CUTC: variants seen among roughly 807,000 people sequenced by gnomAD.
The protein encoded by CUTC is cutC copper transporter, also known as copper homeostasis protein cutC homolog.
A neutral mutation model predicts 36.2 loss-of-function variants in CUTC; 27 were observed. The ratio of observed to expected loss-of-function variants is 0.75; its 90% confidence interval spans 0.55 to 1.03. CUTC has a LOEUF of 1.03. CUTC is among the 50% of genes least tolerant of loss of function. CUTC has a pLI of 0.00. For missense variants in CUTC, 315 were observed against 343.5 expected (o/e 0.92, Z 0.66); for synonymous variants, 114 against 118.3 (o/e 0.96, Z 0.24).
Position 99,732,256 on chromosome 10 carries a change from C to A in CUTC, c.-93C>A. ...GGTGTCGGGGACGCGCGCACGGGCG[C>A]GCGCAGCTGTTGACGCGCTTCTTAG... On this transcript the variant is annotated 5_prime_UTR_variant, in exon 1 of 9. Coordinates refer to ENST00000370476, the MANE Select transcript of CUTC (RefSeq NM_015960.3). The A allele has an allele frequency of 6.5e-7, 1 of 1,529,666 alleles. No homozygotes were observed. Among genetic ancestry groups the A allele is most frequent in the Non-Finnish European group, 8.8e-7 (1 of 1,137,626 alleles). The allele number at this position is 1,529,666 out of a possible 1,614,324, so 94.8% of individuals were successfully genotyped here.
intron 6 of CUTC, among the ~76,000 whole-genome samples, chr10:99,749,825 G>A (rs913983644): frequency 1.3e-5 from 2 of 151,564 alleles, no homozygotes; most frequent in Non-Finnish European, 2.9e-5. Context: ...TTGCTACCTG[G>A]AATTTTATTG....
At chr10:99,734,869 G>A (rs60234750) in intron 1 of CUTC, among the ~76,000 whole-genome samples, 11 of 152,052 alleles carry the variant, frequency 7.2e-5, no homozygotes, top group Admixed American at 3.9e-4. Flanking sequence ...TTGGGAGGCC[G>A]AGGCTGGCAG....
chr10:99,733,181 C>T (rs1000205963), intron 1 of CUTC, among the ~76,000 whole-genome samples: 19 of 152,124 alleles, frequency 1.2e-4, no homozygotes, highest in African/African-American at 4.3e-4. Context: ...TGGTGGCAGG[C>T]GCCTGTAATA....
chr10:99,753,440 C>T (rs184465675), intron 7 of CUTC, among the ~76,000 whole-genome samples: 1 of 152,306 alleles, frequency 6.6e-6, no homozygotes, highest in Non-Finnish European at 1.5e-5. Context: ...GACAGGGTCT[C>T]ACTGTGTCGC....
chr10:99,747,174 T>C (rs927327565), intron 5 of CUTC, 83 bp from the exon 6 acceptor site: 61 of 1,466,828 alleles, frequency 4.2e-5, no homozygotes, highest in Non-Finnish European at 5.6e-5. Flanking sequence ...AGGTCCAGCA[T>C]GCCACTGCAT....
chr10:99,750,403 A>G lies in CUTC; in HGVS notation c.601+7A>G, dbSNP rs1394175629. 5.1e-6 allele frequency: 8 copies of G among 1,583,502 alleles called. No individual in the cohort carries two copies. The South Asian group carries it at 5.8e-5, about 12-fold the overall frequency. The stretch of plus-strand genomic sequence containing the variant: ...AGGATTGTGGTAATGCCAGGTATTT[A>G]TTTATCTATCAATTCACTAGCATAA... On this transcript the variant is annotated splice_region_variant and intron_variant, in intron 7 of 8. Coordinates refer to ENST00000370476, the MANE Select transcript of CUTC (RefSeq NM_015960.3).
At chr10:99,747,129 GT>G in intron 5 of CUTC, 127 bp from the exon 6 acceptor site, 1 of 1,002,614 alleles carries the variant, frequency 1.0e-6, no homozygotes, top group Non-Finnish European at 1.5e-6. Flanking sequence ...ATTCTTGAGT[GT>G]TTAATAATTG....
At chr10:99,740,777 G>T (rs1433934595) in intron 3 of CUTC, among the ~76,000 whole-genome samples, 1 of 152,088 alleles carries the variant, frequency 6.6e-6, no homozygotes, top group Non-Finnish European at 1.5e-5. Context: ...CTATTTAAAA[G>T]AAAATCTCCT....
Position 99,732,348 on chromosome 10 carries a change from C to G in CUTC, c.-1C>G. 6.4e-7 allele frequency: 1 copy of G among 1,552,564 alleles called. No individual in the cohort carries two copies. Among genetic ancestry groups the G allele is most frequent in the Non-Finnish European group, 8.7e-7 (1 of 1,147,724 alleles). On this transcript the variant is annotated 5_prime_UTR_variant, in exon 1 of 9. Transcript: ENST00000370476. ...GCGCACGAGGGAGGAACGCGTGGAGCATGAAAAGGCAGGGGGCCTCCTCTG... is the reference window on the plus strand; with the variant it reads ...GCGCACGAGGGAGGAACGCGTGGAGGATGAAAAGGCAGGGGGCCTCCTCTG...
chr10:99,740,984 A>G (rs763188133), intron 3 of CUTC, among the ~76,000 whole-genome samples: 5 of 152,230 alleles, frequency 3.3e-5, no homozygotes, highest in South Asian at 2.1e-4. Context: ...GAATAAAGTT[A>G]TGATAGCTGT....
intron 2 of CUTC, among the ~76,000 whole-genome samples, chr10:99,738,159 AT>A (rs1475194969): frequency 1.2e-4 from 19 of 152,030 alleles, no homozygotes; most frequent in African/African-American, 4.3e-4. Context: ...AAAAAAAAAA[AT>A]AAGGACTCTT....
At chr10:99,750,246 A>G (rs1452419874) in intron 6 of CUTC, 123 bp from the exon 7 acceptor site, 4 of 529,982 alleles carry the variant, frequency 7.5e-6, no homozygotes, top group African/African-American at 6.0e-5. Context: ...AGTAAAAATT[A>G]AACATTAATA....
Position 99,732,250 on chromosome 10 carries a change from C to CGGGCGCGCGCAGCTGT in CUTC, c.-98_-83dup, listed in dbSNP as rs2037196197. On this transcript the variant is annotated 5_prime_UTR_variant, in exon 1 of 9. Transcript: ENST00000370476. ...GGCGTAGGTGTCGGGGACGCGCGCACGGGCGCGCGCAGCTGTTGACGCGCT... is the reference window on the plus strand; with the variant it reads ...GGCGTAGGTGTCGGGGACGCGCGCACGGGCGCGCGCAGCTGTGGGCGCGCGCAGCTGTTGACGCGCT... The CGGGCGCGCGCAGCTGT allele has an allele frequency of 3.9e-6, 6 of 1,524,500 alleles. No homozygotes were observed. In the Admixed American group the frequency reaches 1.3e-4, roughly 34 times the overall value. 94.4% of individuals were successfully genotyped at this position (1,524,500 alleles called of 1,614,324 possible).
chr10:99,744,149 T>G, intron 5 of CUTC, 77 bp downstream of exon 5: 1 of 1,178,312 alleles, frequency 8.5e-7, no homozygotes. Context: ...CACCTTTTTA[T>G]GGAACACAAT....
chr10:99,744,116 T>A (rs767126641), intron 5 of CUTC, 44 bp downstream of exon 5: 2 of 1,525,824 alleles, frequency 1.3e-6, no homozygotes, highest in Non-Finnish European at 1.8e-6. Context: ...CAGTGTTAGT[T>A]TTCTAATTTC....
At chr10:99,745,476 A>G (rs1036898741) in intron 5 of CUTC, among the ~76,000 whole-genome samples, 1 of 152,208 alleles carries the variant, frequency 6.6e-6, no homozygotes, top group Non-Finnish European at 1.5e-5. Context: ...TAGCAGTATG[A>G]GAACCAAAGC....
intron 5 of CUTC, among the ~76,000 whole-genome samples, chr10:99,745,253 T>A (rs1428776954): frequency 6.6e-6 from 1 of 152,238 alleles, no homozygotes; most frequent in African/African-American, 2.4e-5. Flanking sequence ...TTTTCAAAAT[T>A]TGTAGAATTT....
At chr10:99,740,598 G>A (rs1415531489) in intron 3 of CUTC, among the ~76,000 whole-genome samples, 1 of 151,850 alleles carries the variant, frequency 6.6e-6, no homozygotes, top group Admixed American at 6.6e-5. Context: ...TTCTTATGGT[G>A]TACCTGAGTA....
intron 5 of CUTC, among the ~76,000 whole-genome samples, chr10:99,747,050 G>A (rs922086355): frequency 4.1e-4 from 62 of 152,158 alleles, no homozygotes; most frequent in African/African-American, 1.4e-3. Context: ...TTATAGGCAC[G>A]AGCCACTGCA....
Sources: allele counts gnomAD v4.1 joint callset (sites outside exome capture counted in the v4.1 genomes callset), GRCh38; gene constraint gnomAD v4.1.1; transcripts MANE v1.5; gene names NCBI Gene and HGNC (gene_info 2026-07-23, HGNC 2026-07-21).